Variants in EYS observed in about 807,000 individuals in gnomAD.
The protein encoded by EYS is EGF-like photoreceptor maintenance factor.
EYS carries 250 observed loss-of-function variants against 282.1 expected under a neutral mutation model. That is an observed-to-expected ratio of 0.89 (90% confidence interval 0.80 to 0.98). EYS has a LOEUF of 0.98. EYS is among the 50% of genes least tolerant of loss of function. The pLI is 0.00. For synonymous variants in EYS, 1,355 were observed against 1,282.9 expected, an observed-to-expected ratio of 1.06 and a Z score of -1.20; for missense variants, 4,016 against 3,709.0, an observed-to-expected ratio of 1.08 and a Z score of -2.15.
At chr6:65,317,128 C>CT (rs1206899378) in intron 11 of EYS, among the ~76,000 whole-genome samples, 1 of 151,926 alleles carries the variant, frequency 6.6e-6, no homozygotes, top group Non-Finnish European at 1.5e-5. Flanking sequence ...CTGATTTTGT[C>CT]TTTTTTTAAA....
At chr6:64,112,503 G>A (rs1420443905) in intron 31 of EYS, among the ~76,000 whole-genome samples, 4 of 151,676 alleles carry the variant, frequency 2.6e-5, no homozygotes, top group Non-Finnish European at 4.4e-5. Flanking sequence ...CACACAATGT[G>A]AAATTATTAA....
intron 12 of EYS, among the ~76,000 whole-genome samples, chr6:65,282,247 C>T (rs1433390401): frequency 1.3e-5 from 2 of 151,940 alleles, no homozygotes; most frequent in South Asian, 2.1e-4. Flanking sequence ...TCATCACAAA[C>T]ATATTAAATA....
intron 29 of EYS, among the ~76,000 whole-genome samples, chr6:64,323,643 G>A (rs946562761): frequency 1.3e-5 from 2 of 152,112 alleles, no homozygotes; most frequent in Non-Finnish European, 2.9e-5. Context: ...GGAGCTAGTA[G>A]CTAGGGGCTA....
intron 26 of EYS, among the ~76,000 whole-genome samples, chr6:64,548,476 C>G (rs955116665): frequency 5.3e-5 from 8 of 152,166 alleles, no homozygotes; most frequent in Admixed American, 3.9e-4. Context: ...GACACATATA[C>G]ACCATGGAAT....
intron 26 of EYS, among the ~76,000 whole-genome samples, chr6:64,510,523 G>A (rs1330377172): frequency 6.6e-6 from 1 of 151,742 alleles, no homozygotes; most frequent in African/African-American, 2.4e-5. Context: ...ACTTAAAAAT[G>A]CAGACTTTAT....
chr6:64,381,800 C>T (rs575081760), intron 29 of EYS, among the ~76,000 whole-genome samples: 4 of 152,222 alleles, frequency 2.6e-5, no homozygotes, highest in Admixed American at 2.0e-4. Context: ...TTAAACTTTT[C>T]CCTGCAGTTG....
intron 35 of EYS, among the ~76,000 whole-genome samples, chr6:63,925,790 C>T (rs369832662): frequency 1.1e-4 from 16 of 152,276 alleles, no homozygotes; most frequent in African/African-American, 2.9e-4. Flanking sequence ...ATTATAGGCA[C>T]GTGGCACCAC....
chr6:64,514,753 C>G (rs367932593), intron 26 of EYS, among the ~76,000 whole-genome samples: 1 of 151,702 alleles, frequency 6.6e-6, no homozygotes. Context: ...AATATAGCAT[C>G]ATAATTGTCA....
At chr6:64,177,328 C>G (rs1764666761) in intron 31 of EYS, among the ~76,000 whole-genome samples, 1 of 134,940 alleles carries the variant, frequency 7.4e-6, no homozygotes, top group African/African-American at 2.8e-5. Context: ...GACAATTTCA[C>G]ACACTGTATA....
intron 12 of EYS, among the ~76,000 whole-genome samples, chr6:65,271,423 T>C (rs1464650711): frequency 6.6e-6 from 1 of 151,718 alleles, no homozygotes; most frequent in Non-Finnish European, 1.5e-5. Context: ...CTCAACAAAT[T>C]GGATGGTGCC....
At chr6:64,593,657 T>C (rs952923018) in intron 24 of EYS, among the ~76,000 whole-genome samples, 9 of 152,164 alleles carry the variant, frequency 5.9e-5, no homozygotes, top group African/African-American at 1.7e-4. Context: ...CATTACAAAT[T>C]ATAAAACTTT....
intron 31 of EYS, among the ~76,000 whole-genome samples, chr6:64,122,522 C>A (rs1464484595): frequency 6.6e-6 from 1 of 151,988 alleles, no homozygotes. Flanking sequence ...GACTATGGAG[C>A]CTAGAGCCAG....
At chr6:64,784,494 T>C (rs957414331) in intron 22 of EYS, among the ~76,000 whole-genome samples, 1 of 152,198 alleles carries the variant, frequency 6.6e-6, no homozygotes, top group East Asian at 1.9e-4. Context: ...CCCCCTTTAC[T>C]GGAATTTAAG....
At chr6:64,969,646 G>A (rs1228881597) in intron 14 of EYS, among the ~76,000 whole-genome samples, 1 of 152,020 alleles carries the variant, frequency 6.6e-6, no homozygotes, top group Admixed American at 6.6e-5. Context: ...TGAAGATGGT[G>A]CAGACATCTC....
chr6:64,507,409 TCAA>T lies in EYS; in HGVS notation c.5645-68060_5645-68058del, dbSNP rs200297016. Among the ~76,000 whole-genome samples, 767 of 152,254 alleles carry T rather than the reference TCAA, an allele frequency of 5.0e-3. 5 individuals carry two copies. Among genetic ancestry groups the T allele is most frequent in the Non-Finnish European group, 7.9e-3 (538 of 68,008 alleles). On this transcript the variant is annotated intron_variant, in intron 26 of 42. Coordinates refer to ENST00000503581, the MANE Select transcript of EYS (RefSeq NM_001142800.2). ...AGGGTGAAGCAATAATTTAAATAAC[TCAA>T]CAACATTTATAAAAACTCAGGTAGT...
intron 12 of EYS, among the ~76,000 whole-genome samples, chr6:65,189,697 G>A (rs527898064): frequency 6.6e-6 from 1 of 151,586 alleles, no homozygotes; most frequent in Non-Finnish European, 1.5e-5. Flanking sequence ...GATCACAGTT[G>A]GTTAGTTGTC....
rs1767065661 is a variant in EYS, at chr6:65,635,815, C to T, written c.-333+3963G>A. On this transcript the variant is annotated intron_variant, in intron 2 of 42. Coordinates refer to ENST00000503581, the MANE Select transcript of EYS (RefSeq NM_001142800.2). Reference sequence around the variant, plus strand: ...GTCTGACACCTGGACCTGATTGCTCCTATGGCTCCACATGGAAGCAACTCC... The same window carrying T: ...GTCTGACACCTGGACCTGATTGCTCTTATGGCTCCACATGGAAGCAACTCC... Among the ~76,000 whole-genome samples the T allele has an allele frequency of 2.0e-5, 3 of 152,266 alleles. 1 individual carries two copies. Among genetic ancestry groups the T allele is most frequent in the South Asian group, 4.2e-4 (2 of 4,818 alleles).
At chr6:64,976,957 A>G (rs1439173339) in intron 14 of EYS, among the ~76,000 whole-genome samples, 1 of 151,876 alleles carries the variant, frequency 6.6e-6, no homozygotes, top group Admixed American at 6.6e-5. Flanking sequence ...CAGTGGAATG[A>G]TATCGGCTCA....
intron 30 of EYS, among the ~76,000 whole-genome samples, chr6:64,250,413 T>C (rs1297422429): frequency 6.6e-6 from 1 of 152,200 alleles, no homozygotes; most frequent in Non-Finnish European, 1.5e-5. Context: ...AAAATAATCA[T>C]TTCTCTAAAG....
Sources: allele counts gnomAD v4.1 joint callset (sites outside exome capture counted in the v4.1 genomes callset), GRCh38; gene constraint gnomAD v4.1.1; transcripts MANE v1.5; gene names NCBI Gene and HGNC (gene_info 2026-07-23, HGNC 2026-07-21).